Variants in TRPM3 observed in about 807,000 individuals in gnomAD.
The protein encoded by TRPM3 is transient receptor potential cation channel subfamily M member 3.
A neutral mutation model predicts 181.2 loss-of-function variants in TRPM3; 77 were observed. That is an observed-to-expected ratio of 0.42 (90% confidence interval 0.35 to 0.51). TRPM3 has a LOEUF of 0.51. TRPM3 is among the 20% of genes least tolerant of loss of function. The pLI is 0.01. For missense variants in TRPM3, 1,759 were observed against 2,196.7 expected, an observed-to-expected ratio of 0.80 and a Z score of 3.98; for synonymous variants, 745 against 796.4, an observed-to-expected ratio of 0.94 and a Z score of 1.09.
intron 1 of TRPM3, among the ~76,000 whole-genome samples, chr9:71,234,327 G>A (rs2081241401): frequency 6.6e-6 from 1 of 152,120 alleles, no homozygotes; most frequent in Non-Finnish European, 1.5e-5. Flanking sequence ...AGTATGGGAG[G>A]GAATCACACA....
rs1179274412 is a variant in TRPM3, at chr9:70,999,236, TC to T, written c.177+121941del. Among the ~76,000 whole-genome samples, 9 of 152,316 alleles carry T rather than the reference TC, an allele frequency of 5.9e-5. No homozygotes were observed. In the East Asian group the frequency reaches 1.5e-3, roughly 26 times the overall value. On this transcript the variant is annotated intron_variant, in intron 1 of 25. Transcript: ENST00000677713. ...AGGCTAGTAATATACTGTCTATCCA[TC>T]CGAAGTAGATCATAGGTGTGCTTTT...
intron 1 of TRPM3, among the ~76,000 whole-genome samples, chr9:71,253,017 G>A (rs1419275549): frequency 6.6e-6 from 1 of 151,918 alleles, no homozygotes; most frequent in Non-Finnish European, 1.5e-5. Context: ...ACTTGGCTGA[G>A]TTTTTCTGTC....
At chr9:70,661,194 A>T (rs1010071681) in intron 9 of TRPM3, among the ~76,000 whole-genome samples, 3 of 152,174 alleles carry the variant, frequency 2.0e-5, no homozygotes, top group Non-Finnish European at 4.4e-5. Context: ...AAACCATATG[A>T]TCATCTCAAT....
intron 1 of TRPM3, among the ~76,000 whole-genome samples, chr9:71,080,058 G>A (rs2064024856): frequency 6.6e-6 from 1 of 151,822 alleles, no homozygotes; most frequent in African/African-American, 2.4e-5. Flanking sequence ...TAATTCCAGC[G>A]ACTTGAGAGG....
At chr9:71,129,863 G>A (rs1028398864) in intron 1 of TRPM3, among the ~76,000 whole-genome samples, 12 of 151,970 alleles carry the variant, frequency 7.9e-5, no homozygotes, top group Non-Finnish European at 1.3e-4. Context: ...TTATTTGCAC[G>A]GCTGACTTCC....
In TRPM3 at chr9:71,073,247, C is replaced by T. The variant is rs372417347; in HGVS notation, c.177+47931G>A. 1.4e-3 allele frequency among the ~76,000 whole-genome samples: 217 copies of T among 152,086 alleles called. 2 individuals carry two copies. The highest frequency in any genetic ancestry group is 4.5e-3 in the African/African-American group (188 of 41,484). On this transcript the variant is annotated intron_variant, in intron 1 of 25. Transcript: ENST00000677713. The stretch of plus-strand genomic sequence containing the variant: ...ATCAAGTCATAAAGATGAGAATGAA[C>T]GGGAGGAGGAGAGGTGAGACTTGGA...
chr9:70,762,878 C>T, intron 7 of TRPM3, among the ~76,000 whole-genome samples: 1 of 152,152 alleles, frequency 6.6e-6, no homozygotes, highest in Non-Finnish European at 1.5e-5. Flanking sequence ...TCTGTTTACA[C>T]CAAGTGGATC....
intron 1 of TRPM3, among the ~76,000 whole-genome samples, chr9:70,923,372 G>T (rs1458847154): frequency 6.6e-6 from 1 of 152,082 alleles, no homozygotes; most frequent in African/African-American, 2.4e-5. Context: ...AATCCGTCAA[G>T]ATTACAACAG....
intron 8 of TRPM3, among the ~76,000 whole-genome samples, chr9:70,742,448 A>G (rs2074335284): frequency 6.7e-6 from 1 of 149,644 alleles, no homozygotes; most frequent in South Asian, 2.1e-4. Context: ...GGAACATTCA[A>G]TGTCCTCCTT....
rs757568945 is a variant in TRPM3, at chr9:70,591,131, G to A, written c.3123C>T (p.Ile1041=). ...LMSFGVARQA[I]LFPNEEPSWK... ...ATGATGGCTCCTCATTGGGAAAAAG[G>A]ATGGCTTGCCTGGCGACCCCAAAGC... Residue 1041 remains isoleucine (I), a synonymous_variant, in exon 22 of 26, where the codon ATC becomes ATT. Coordinates refer to ENST00000677713, the MANE Select transcript of TRPM3 (RefSeq NM_001366145.2). The A allele has an allele frequency of 1.1e-5, 17 of 1,613,988 alleles. No individual in the cohort carries two copies. In the Admixed American group the frequency reaches 2.8e-4, roughly 27 times the overall value.
chr9:71,177,097 G>T (rs2077141061), intron 1 of TRPM3, among the ~76,000 whole-genome samples: 1 of 152,074 alleles, frequency 6.6e-6, no homozygotes, highest in South Asian at 2.1e-4. Flanking sequence ...TCTCACAGGA[G>T]CATGAACCCT....
chr9:70,572,583 C>T (rs1055264694), intron 22 of TRPM3, among the ~76,000 whole-genome samples: 3 of 152,036 alleles, frequency 2.0e-5, no homozygotes, highest in African/African-American at 7.2e-5. Flanking sequence ...TGAGGAGTAC[C>T]GGACAGATAT....
chr9:71,436,283 C>CT (rs371953373), intron 1 of TRPM3, among the ~76,000 whole-genome samples: 17 of 136,452 alleles, frequency 1.2e-4, no homozygotes, highest in East Asian at 2.2e-4. Context: ...TTAAACCTCT[C>CT]TTTTTTTTTT....
At chr9:70,763,494 C>T (rs779323169) in intron 7 of TRPM3, among the ~76,000 whole-genome samples, 1 of 151,926 alleles carries the variant, frequency 6.6e-6, no homozygotes, top group South Asian at 2.1e-4. Context: ...AGGGCCAGAA[C>T]CTGTCTAAAA....
chr9:71,350,960 C>T (rs1565488765), intron 1 of TRPM3, among the ~76,000 whole-genome samples: 1 of 152,126 alleles, frequency 6.6e-6, no homozygotes, highest in Non-Finnish European at 1.5e-5. Flanking sequence ...GCTCATAAAG[C>T]AACTATTTCT....
intron 1 of TRPM3, among the ~76,000 whole-genome samples, chr9:71,154,489 C>T (rs2075885456): frequency 6.6e-6 from 1 of 152,088 alleles, no homozygotes; most frequent in Admixed American, 6.6e-5. Flanking sequence ...TTTAACACAC[C>T]AGCAAACTCC....
intron 6 of TRPM3, among the ~76,000 whole-genome samples, chr9:70,813,987 C>A (rs1034702843): frequency 3.3e-5 from 5 of 152,188 alleles, no homozygotes; most frequent in Admixed American, 3.3e-4. Flanking sequence ...TATCTTGCTA[C>A]CCCTACAGTG....
At chr9:71,096,560 G>GCACACACACACACACA (rs35388140) in intron 1 of TRPM3, among the ~76,000 whole-genome samples, 7 of 78,372 alleles carry the variant, frequency 8.9e-5, no homozygotes, top group African/African-American at 4.7e-4. Flanking sequence ...GTGAGCGCAT[G>GCACACACACACACACA]CACACACACA....
intron 1 of TRPM3, among the ~76,000 whole-genome samples, chr9:70,939,166 C>A (rs1449091194): frequency 2.6e-5 from 4 of 152,016 alleles, no homozygotes; most frequent in Non-Finnish European, 5.9e-5. Flanking sequence ...GAAAAGAGTG[C>A]ACCAAAAGGG....
Sources: gnomAD v4.1 joint callset for allele counts (sites outside exome capture counted in the v4.1 genomes callset) on GRCh38, gnomAD v4.1.1 for gene constraint, MANE v1.5 for transcripts, NCBI Gene and HGNC (gene_info 2026-07-23, HGNC 2026-07-21) for gene names.